The following UBE4B variants were observed in gnomAD, a reference collection of about 807,000 sequenced individuals.
UBE4B encodes the protein ubiquitination factor E4B, also known as ubiquitin conjugation factor E4 B.
UBE4B carries 27 observed loss-of-function variants against 148.1 expected under a neutral mutation model. That is an observed-to-expected ratio of 0.18 (90% confidence interval 0.13 to 0.25). UBE4B has a LOEUF of 0.25. Among genes scored for constraint, UBE4B ranks in the 10% least tolerant of loss-of-function variants. The pLI is 1.00. For synonymous variants in UBE4B, 596 were observed against 619.3 expected, an observed-to-expected ratio of 0.96 and a Z score of 0.56; for missense variants, 1,170 against 1,662.4, an observed-to-expected ratio of 0.70 and a Z score of 5.15.
chr1:10,037,470 A>G (rs946059017), intron 1 of UBE4B, among the ~76,000 whole-genome samples: 1 of 152,238 alleles, frequency 6.6e-6, no homozygotes, highest in Admixed American at 6.5e-5. Context: ...TCAGGAACCT[A>G]CATTCCAAGG....
At chr1:10,068,838 A>G (rs527767305) in intron 1 of UBE4B, among the ~76,000 whole-genome samples, 4 of 152,200 alleles carry the variant, frequency 2.6e-5, no homozygotes, top group Non-Finnish European at 4.4e-5. Context: ...ACCCAAGGGC[A>G]TTATCCTCTA....
At chr1:10,107,214 T>C in intron 7 of UBE4B, 1 of 1,289,650 alleles carries the variant, frequency 7.8e-7, no homozygotes. Flanking sequence ...TTGCTTTTGT[T>C]GTGGTAGTAT....
rs112052140 is a variant in UBE4B at position 10,139,709 on chromosome 1, C to G, written c.2363+2504C>G. ...GTCTGTAGGATCCTTATTATTTCTG[C>G]TTTTATTTATTTATTTTAGTTTTTG... is the stretch of plus-strand genomic sequence containing the variant. On this transcript the variant is annotated intron_variant, in intron 17 of 27. Coordinates refer to ENST00000343090, the MANE Select transcript of UBE4B (RefSeq NM_001105562.3). Among the ~76,000 whole-genome samples, 714 of 152,138 alleles carry G rather than the reference C, an allele frequency of 4.7e-3. 11 individuals carry two copies. Among genetic ancestry groups the G allele is most frequent in the African/African-American group, 0.016 (673 of 41,528 alleles).
intron 25 of UBE4B, among the ~76,000 whole-genome samples, chr1:10,175,478 C>T (rs866874389): frequency 7.6e-4 from 113 of 147,896 alleles, no homozygotes; most frequent in East Asian, 1.8e-3. Flanking sequence ...GGTGAAACCC[C>T]ATCTCTACTA....
At chr1:10,173,292 CA>C (rs1207991439) in intron 25 of UBE4B, among the ~76,000 whole-genome samples, 1 of 151,884 alleles carries the variant, frequency 6.6e-6, no homozygotes, top group African/African-American at 2.4e-5. Flanking sequence ...TCCTGGCTAA[CA>C]CGGTGAAACC....
At chr1:10,120,296 G>A (rs567822797) in intron 9 of UBE4B, among the ~76,000 whole-genome samples, 87 of 152,220 alleles carry the variant, frequency 5.7e-4, no homozygotes, top group African/African-American at 1.8e-3. Flanking sequence ...TGAGGCTGGC[G>A]GATCACCTGA....
At chr1:10,116,164 A>G (rs1645305199) in intron 7 of UBE4B, among the ~76,000 whole-genome samples, 1 of 151,820 alleles carries the variant, frequency 6.6e-6, no homozygotes, top group Admixed American at 6.6e-5. Context: ...TTATTTTAGG[A>G]CAGCGTCTCT....
intron 12 of UBE4B, among the ~76,000 whole-genome samples, chr1:10,129,760 C>T (rs1200222446): frequency 2.0e-5 from 3 of 151,924 alleles, no homozygotes; most frequent in Non-Finnish European, 2.9e-5. Flanking sequence ...AAGTGAGTCT[C>T]GTGCCTCAGC....
At chr1:10,090,331 G>T (rs939138531) in intron 2 of UBE4B, among the ~76,000 whole-genome samples, 4 of 151,968 alleles carry the variant, frequency 2.6e-5, no homozygotes, top group Non-Finnish European at 4.4e-5. Flanking sequence ...TGTCACGCAG[G>T]CTGGTCTTGA....
At chr1:10,050,846 G>A (rs941759443) in intron 1 of UBE4B, among the ~76,000 whole-genome samples, 15 of 151,712 alleles carry the variant, frequency 9.9e-5, no homozygotes, top group African/African-American at 3.2e-4. Flanking sequence ...GATTATAGGC[G>A]TGAGCCACCA....
intron 23 of UBE4B, chr1:10,163,291 A>G (rs558859570): frequency 4.6e-5 from 7 of 152,322 alleles, no homozygotes; most frequent in Admixed American, 1.3e-4. Flanking sequence ...CAGCACGTAT[A>G]CTAACATTGG....
At chr1:10,086,843 C>A (rs892582643) in intron 2 of UBE4B, among the ~76,000 whole-genome samples, 3 of 152,266 alleles carry the variant, frequency 2.0e-5, no homozygotes, top group African/African-American at 7.2e-5. Context: ...GCATGTGCCA[C>A]CACGCCCGGC....
Position 10,161,123 on chromosome 1 carries a change from A to G in UBE4B, c.3054-19A>G. 6.8e-6 allele frequency: 11 copies of G among 1,613,406 alleles called. No homozygotes were observed. Among genetic ancestry groups the G allele is most frequent in the Non-Finnish European group, 9.3e-6 (11 of 1,179,574 alleles). ...TTCAGGGAGATGTATGACCATGTAC[A>G]ATATAATTGCCTTTCCAGCTCCGGG... On this transcript the variant is annotated intron_variant, in intron 22 of 27. Transcript: ENST00000343090. The surrounding 1 kb of genome is among the most constrained non-coding windows in gnomAD (Gnocchi z 4.1).
chr1:10,166,941 TCACACACACA>T (rs559608777), intron 23 of UBE4B, among the ~76,000 whole-genome samples: 17 of 131,386 alleles, frequency 1.3e-4, no homozygotes, highest in South Asian at 7.6e-4. Flanking sequence ...AATAAATAAA[TCACACACACA>T]CACACACACA....
intron 4 of UBE4B, among the ~76,000 whole-genome samples, chr1:10,102,275 G>T (rs570377875): frequency 6.6e-6 from 1 of 151,540 alleles, no homozygotes; most frequent in Middle Eastern, 3.4e-3. Flanking sequence ...GAGGAAAATT[G>T]GTCATGCACC....
chr1:10,137,314 G>T, intron 17 of UBE4B, 109 bp downstream of exon 17: 2 of 1,386,842 alleles, frequency 1.4e-6, no homozygotes, highest in South Asian at 2.5e-5. Context: ...AGGTATGTAC[G>T]TTATATAGTG....
At chr1:10,121,438 T>C (rs187382225) in intron 9 of UBE4B, among the ~76,000 whole-genome samples, 1 of 152,292 alleles carries the variant, frequency 6.6e-6, no homozygotes, top group African/African-American at 2.4e-5. Flanking sequence ...AGAGACAGAA[T>C]CTCACTCTGT....
intron 1 of UBE4B, among the ~76,000 whole-genome samples, chr1:10,040,621 C>CTTTTTT (rs1185644090): frequency 7.1e-6 from 1 of 141,130 alleles, no homozygotes; most frequent in Non-Finnish European, 1.6e-5. Flanking sequence ...CTTCTTTTTT[C>CTTTTTT]TTTTTTTTTT....
chr1:10,168,904 AAAAG>A lies in UBE4B; in HGVS notation c.3333+637_3333+640del, dbSNP rs557706304. On this transcript the variant is annotated intron_variant, in intron 24 of 27. Coordinates refer to ENST00000343090, the MANE Select transcript of UBE4B (RefSeq NM_001105562.3). The surrounding 1 kb of genome is among the most constrained non-coding windows in gnomAD (Gnocchi z 4.9). Reference sequence around the variant, plus strand: ...GAGACTCCATCTCAAAAAAAAAAAAAAAAGAAGAAGAAAAAGCATAAGGTAACAG... The same window carrying A: ...GAGACTCCATCTCAAAAAAAAAAAAAAAGAAGAAAAAGCATAAGGTAACAG... 1.6e-3 allele frequency among the ~76,000 whole-genome samples: 250 copies of A among 151,956 alleles called. No individual in the cohort carries two copies. The highest frequency in any genetic ancestry group is 2.8e-3 in the Non-Finnish European group (188 of 67,974).
Sources: allele counts gnomAD v4.1 joint callset (sites outside exome capture counted in the v4.1 genomes callset), GRCh38; gene constraint gnomAD v4.1.1; non-coding constraint Gnocchi (gnomAD v3.1); transcripts MANE v1.5; gene names NCBI Gene and HGNC (gene_info 2026-07-23, HGNC 2026-07-21).